The following PDGFRL variants were observed in gnomAD, a reference collection of about 807,000 sequenced individuals.
PDGFRL encodes the protein platelet-derived growth factor receptor-like protein.
A neutral mutation model predicts 37.2 loss-of-function variants in PDGFRL; 46 were observed. The observed-to-expected ratio is 1.24, with a 90% CI of 0.98 to 1.58. The LOEUF (loss-of-function observed/expected upper bound fraction) is 1.58, where lower values mean the gene tolerates loss of function less well. PDGFRL is among the 40% of genes most tolerant of loss of function. PDGFRL has a pLI of 0.00. For synonymous variants in PDGFRL, 251 were observed against 184.3 expected (o/e 1.36, Z -2.93); for missense variants, 692 against 467.6 (o/e 1.48, Z -4.43).
chr8:17,627,462 C>T (rs549801077), intron 3 of PDGFRL, among the ~76,000 whole-genome samples: 74 of 121,060 alleles, frequency 6.1e-4, no homozygotes, highest in Admixed American at 5.8e-3. Flanking sequence ...TGGAAGCTAC[C>T]GATTGCAATT....
intron 2 of PDGFRL, among the ~76,000 whole-genome samples, chr8:17,597,378 C>T (rs1427267553): frequency 6.6e-6 from 1 of 152,148 alleles, no homozygotes; most frequent in Non-Finnish European, 1.5e-5. Context: ...CACATTTATC[C>T]GAATGTAATC....
intron 2 of PDGFRL, among the ~76,000 whole-genome samples, chr8:17,612,219 C>G (rs1028433448): frequency 6.6e-6 from 1 of 152,170 alleles, no homozygotes; most frequent in Non-Finnish European, 1.5e-5. Flanking sequence ...TAAAACTAAC[C>G]TCCAGGTATT....
chr8:17,626,386 G>C (rs1264461349), intron 3 of PDGFRL, among the ~76,000 whole-genome samples: 1 of 152,140 alleles, frequency 6.6e-6, no homozygotes, highest in South Asian at 2.1e-4. Context: ...AAAAGACGGA[G>C]ACTCTCTGAG....
At chr8:17,598,429 C>A (rs1317939599) in intron 2 of PDGFRL, among the ~76,000 whole-genome samples, 1 of 152,162 alleles carries the variant, frequency 6.6e-6, no homozygotes, top group Admixed American at 6.5e-5. Flanking sequence ...AGATTCCTAG[C>A]ACCTAGAACA....
intron 2 of PDGFRL, among the ~76,000 whole-genome samples, chr8:17,611,604 T>G (rs1804413707): frequency 6.6e-6 from 1 of 152,054 alleles, no homozygotes; most frequent in South Asian, 2.1e-4. Context: ...CCGATGTGTC[T>G]GGGTTTGGTG....
At chr8:17,627,490 G>T (rs1371779441) in intron 3 of PDGFRL, among the ~76,000 whole-genome samples, 11 of 143,862 alleles carry the variant, frequency 7.6e-5, no homozygotes, top group African/African-American at 2.5e-4. Context: ...TTTTTGAGAC[G>T]CAATCTTGCT....
intron 1 of PDGFRL, among the ~76,000 whole-genome samples, chr8:17,585,398 T>G (rs2517281): frequency 0.03 from 4,529 of 152,160 alleles, 172 homozygotes; most frequent in East Asian, 0.12. Flanking sequence ...GTAGGTGGGT[T>G]TTTTGGAGTG....
rs537107335 is a variant in PDGFRL at position 17,589,732 on chromosome 8, C to A, written c.320C>A (p.Ala107Glu). ...AGTAGAATTGGGTGGAGCTACCCTG[C>A]GTATCTGGACACCTTTAAGGATTCT... The part of the protein sequence containing the change: ...KGSRIGWSYP[A>E]YLDTFKDSRL... The change falls in exon 2 of 6, where the codon GCG becomes GAG. Residue 107 changes from alanine to glutamate, a missense_variant. Transcript: ENST00000251630. The A allele has an allele frequency of 1.9e-6, 3 of 1,611,272 alleles. No individual in the cohort carries two copies. Among genetic ancestry groups the A allele is most frequent in the South Asian group, 1.1e-5 (1 of 90,966 alleles).
chr8:17,631,078 TC>T (rs1329739533), intron 4 of PDGFRL, among the ~76,000 whole-genome samples: 1 of 151,994 alleles, frequency 6.6e-6, no homozygotes, highest in Non-Finnish European at 1.5e-5. Context: ...TGTCCAGAGC[TC>T]TTTTGCCCCG....
intron 4 of PDGFRL, among the ~76,000 whole-genome samples, chr8:17,632,920 C>G (rs79660477): frequency 0.04 from 6,108 of 152,262 alleles, 285 homozygotes; most frequent in African/African-American, 0.11. Flanking sequence ...AGCGCTTCCT[C>G]AAGGAAGCCC....
At chr8:17,629,698 G>A (rs1804822479) in intron 4 of PDGFRL, among the ~76,000 whole-genome samples, 1 of 152,072 alleles carries the variant, frequency 6.6e-6, no homozygotes, top group Non-Finnish European at 1.5e-5. Flanking sequence ...CACTGGCCAG[G>A]TTCATGGACC....
At position 17,621,224 on chromosome 8, in the gene PDGFRL, T is replaced by C. The variant is rs143368783; in HGVS notation, c.505+22T>C. ...ACAGGTAAAATACTTGGTGCATTAATGGAACTCTTCAAACTTCTGGACCGG... is the reference window on the plus strand; with the variant it reads ...ACAGGTAAAATACTTGGTGCATTAACGGAACTCTTCAAACTTCTGGACCGG... On this transcript the variant is annotated intron_variant, in intron 3 of 5. Coordinates refer to ENST00000251630, the MANE Select transcript of PDGFRL (RefSeq NM_001372073.1). 398 of 1,568,990 alleles carry C rather than the reference T, an allele frequency of 2.5e-4. No homozygotes were observed. The East Asian group carries it at 7.9e-3, about 31-fold the overall frequency.
intron 3 of PDGFRL, among the ~76,000 whole-genome samples, chr8:17,622,273 G>C (rs1804649987): frequency 6.6e-6 from 1 of 152,200 alleles, no homozygotes; most frequent in Non-Finnish European, 1.5e-5. Flanking sequence ...GAGCTTTCAG[G>C]AATCTTACAA....
chr8:17,583,322 A>G (rs748190477), intron 1 of PDGFRL, among the ~76,000 whole-genome samples: 2 of 152,168 alleles, frequency 1.3e-5, no homozygotes, highest in Non-Finnish European at 2.9e-5. Context: ...CTTGGAAAAC[A>G]AACAGACATT....
In PDGFRL at chr8:17,628,704, G is replaced by C; in HGVS notation, c.723G>C (p.Gln241His). Reference protein sequence around the residue: ...FVYLQPHSEHQGVVYCRAEAG... With the variant: ...FVYLQPHSEHHGVVYCRAEAG... ...ATCTGCAACCTCATTCCGAGCACCA[G>C]GGTGTGGTTTACTGCAGGGCGGAGG... Residue 241 changes from glutamine to histidine, a missense_variant, in exon 4 of 6, where the codon CAG becomes CAC. Transcript: ENST00000251630. The C allele has an allele frequency of 6.2e-7, 1 of 1,614,082 alleles. No individual in the cohort carries two copies. The highest frequency in any genetic ancestry group is 8.5e-7 in the Non-Finnish European group (1 of 1,179,934).
At chr8:17,608,261 A>T (rs1453101926) in intron 2 of PDGFRL, among the ~76,000 whole-genome samples, 2 of 152,164 alleles carry the variant, frequency 1.3e-5, no homozygotes, top group South Asian at 4.1e-4. Flanking sequence ...CCCAGATGAG[A>T]TCTGGTGTCT....
intron 1 of PDGFRL, among the ~76,000 whole-genome samples, chr8:17,585,852 C>T (rs1051247319): frequency 5.3e-5 from 8 of 152,168 alleles, no homozygotes; most frequent in African/African-American, 1.9e-4. Flanking sequence ...GATTGTGATT[C>T]TCAGTTGATG....
chr8:17,611,182 T>C (rs895805091), intron 2 of PDGFRL, among the ~76,000 whole-genome samples: 2 of 152,306 alleles, frequency 1.3e-5, no homozygotes, highest in East Asian at 1.9e-4. Context: ...TCAGTTCATC[T>C]CTGTAAAGTG....
Position 17,642,687 on chromosome 8 carries a change from C to G in PDGFRL, c.1014C>G (p.Ser338=). ...HRGLGHTTRI[S]QSVITVEDFE... ...GACTGGGACACACCACGAGAATCTC[C>G]CAGAGTGTCATTACAGTGGAAGACT... The change falls in exon 6 of 6, where the codon TCC becomes TCG. Residue 338 remains serine, a synonymous_variant. Coordinates refer to ENST00000251630, the MANE Select transcript of PDGFRL (RefSeq NM_001372073.1). 6.2e-7 allele frequency: 1 copy of G among 1,602,482 alleles called. No homozygotes were observed. The highest frequency in any genetic ancestry group is 2.2e-5 in the East Asian group (1 of 44,848).
Sources: gnomAD v4.1 joint callset for allele counts (sites outside exome capture counted in the v4.1 genomes callset) on GRCh38, gnomAD v4.1.1 for gene constraint, MANE v1.5 for transcripts, NCBI Gene and HGNC (gene_info 2026-07-23, HGNC 2026-07-21) for gene names.